The following RBFOX2 variants were observed in gnomAD, a reference collection of about 807,000 sequenced individuals.
RBFOX2 encodes the protein RNA binding protein fox-1 homolog 2.
Under a neutral mutation model 49.1 loss-of-function variants are expected in RBFOX2, and 10 were observed. The observed-to-expected ratio is 0.20, with a 90% CI of 0.13 to 0.35. RBFOX2 has a LOEUF of 0.35. Among genes scored for constraint, RBFOX2 ranks in the 10% least tolerant of loss-of-function variants. RBFOX2 has a pLI of 1.00. For missense variants in RBFOX2, 323 were observed against 486.9 expected, an observed-to-expected ratio of 0.66 and a Z score of 3.17; for synonymous variants, 183 against 187.4, an observed-to-expected ratio of 0.98 and a Z score of 0.19.
chr22:35,946,026 T>C (rs1233442767), intron 1 of RBFOX2, among the ~76,000 whole-genome samples: 1 of 152,144 alleles, frequency 6.6e-6, no homozygotes, highest in African/African-American at 2.4e-5. Context: ...AATCAGCTGG[T>C]ATAAGCAGTA....
At chr22:35,838,138 G>A (rs1368888020) in intron 1 of RBFOX2, among the ~76,000 whole-genome samples, 1 of 152,040 alleles carries the variant, frequency 6.6e-6, no homozygotes, top group Non-Finnish European at 1.5e-5. Context: ...AATATTGCCA[G>A]TTAATAAAAA....
chr22:35,939,605 CTAAT>C (rs958937797), upstream of RBFOX2, among the ~76,000 whole-genome samples: 3 of 151,936 alleles, frequency 2.0e-5, no homozygotes, highest in African/African-American at 7.3e-5. Flanking sequence ...ACTTATGATT[CTAAT>C]TAACCTTATT....
At chr22:35,829,630 C>T (rs900677902) in intron 1 of RBFOX2, among the ~76,000 whole-genome samples, 1 of 152,050 alleles carries the variant, frequency 6.6e-6, no homozygotes, top group Non-Finnish European at 1.5e-5. Context: ...CATAGAATGG[C>T]TGGTTAGGAT....
chr22:35,920,834 A>T (rs770589254), intron 1 of RBFOX2, among the ~76,000 whole-genome samples: 2 of 152,226 alleles, frequency 1.3e-5, no homozygotes, highest in Non-Finnish European at 2.9e-5. Context: ...ACACAATATG[A>T]TTGACATCTG....
In RBFOX2 at chr22:35,769,948, G is replaced by A. The variant is rs533684763; in HGVS notation, c.454-1599C>T. Among the ~76,000 whole-genome samples the A allele has an allele frequency of 1.1e-4, 17 of 152,232 alleles. 1 individual carries two copies. In the East Asian group the frequency reaches 2.7e-3, roughly 24 times the overall value. ...GAAAGCAAAATGCTAAGCTGATAGA[G>A]ATTTTAAAACGTATGTTGCTTGGAA... On this transcript the variant is annotated intron_variant, in intron 4 of 11. Coordinates refer to ENST00000405409, the Ensembl canonical transcript of RBFOX2.
At chr22:35,780,325 C>G (rs1302890116) in intron 3 of RBFOX2, among the ~76,000 whole-genome samples, 2 of 150,530 alleles carry the variant, frequency 1.3e-5, no homozygotes, top group African/African-American at 4.9e-5. Context: ...AATAAAGTAC[C>G]AGGCAGCTAT....
At chr22:35,872,774 T>C (rs553795825) in intron 1 of RBFOX2, among the ~76,000 whole-genome samples, 55 of 152,286 alleles carry the variant, frequency 3.6e-4, no homozygotes, top group African/African-American at 1.2e-3. Context: ...TCTGGCTGCC[T>C]GTATGTCTGC....
chr22:35,981,641 CAAAA>C (rs879304923), intron 1 of RBFOX2, among the ~76,000 whole-genome samples: 1 of 96,640 alleles, frequency 1.0e-5, no homozygotes. Flanking sequence ...GACTCCATTT[CAAAA>C]AAAAAAAAAA....
intron 1 of RBFOX2, among the ~76,000 whole-genome samples, chr22:35,890,352 C>G (rs960917804): frequency 1.3e-5 from 2 of 152,022 alleles, no homozygotes; most frequent in Non-Finnish European, 2.9e-5. Context: ...TTGGGTAGTA[C>G]TGAATTCTAT....
chr22:35,750,710 C>G (rs1377698200), intron 9 of RBFOX2, among the ~76,000 whole-genome samples: 3 of 152,230 alleles, frequency 2.0e-5, no homozygotes, highest in Admixed American at 6.5e-5. Context: ...ATTCAACCTG[C>G]CTGACACTGG....
upstream of RBFOX2, among the ~76,000 whole-genome samples, chr22:35,961,844 A>G (rs2056239657): frequency 6.6e-6 from 1 of 152,096 alleles, no homozygotes; most frequent in Non-Finnish European, 1.5e-5. Context: ...AACACAGAGA[A>G]ATGTCCTCCT....
chr22:35,744,754 A>G (rs1354162819), intron 11 of RBFOX2, among the ~76,000 whole-genome samples: 2 of 152,188 alleles, frequency 1.3e-5, no homozygotes, highest in Non-Finnish European at 2.9e-5. Flanking sequence ...GTCTTTAATA[A>G]AGTCTGTTTC....
At chr22:35,826,475 T>G (rs1338774898) in intron 1 of RBFOX2, among the ~76,000 whole-genome samples, 2 of 152,258 alleles carry the variant, frequency 1.3e-5, no homozygotes, top group East Asian at 3.9e-4. Context: ...GTTCTCCATG[T>G]TCTTTTTCAT....
At chr22:35,961,511 C>T (rs895552015) in intron 1 of RBFOX2, 2 of 1,301,866 alleles carry the variant, frequency 1.5e-6, no homozygotes, top group Non-Finnish European at 2.0e-6. Context: ...CCACAATTCC[C>T]CTGCACAAAC....
chr22:35,799,809 C>T (rs1259045237), intron 2 of RBFOX2, among the ~76,000 whole-genome samples: 1 of 151,808 alleles, frequency 6.6e-6, no homozygotes, highest in African/African-American at 2.4e-5. Flanking sequence ...AAAAATTAGC[C>T]GGGTGTGGGG....
chr22:35,746,528 C>T (rs1602029690), exon 10 of RBFOX2: 1 of 1,610,040 alleles, frequency 6.2e-7, no homozygotes, highest in Non-Finnish European at 8.5e-7. Context: ...GTTGCAGTAG[C>T]AGGCTGTGCA....
At chr22:35,770,834 CATTCTGGAACAAA>C in intron 4 of RBFOX2, among the ~76,000 whole-genome samples, 1 of 152,132 alleles carries the variant, frequency 6.6e-6, no homozygotes, top group South Asian at 2.1e-4. Flanking sequence ...TAATGACTAA[CATTCTGGAACAAA>C]ATTTCACTTT....
At chr22:35,816,074 A>T (rs1007145182) in intron 1 of RBFOX2, among the ~76,000 whole-genome samples, 10 of 152,228 alleles carry the variant, frequency 6.6e-5, no homozygotes, top group Middle Eastern at 3.4e-3. Flanking sequence ...CCGTTTTTTT[A>T]AAAAAATTAA....
chr22:35,809,681 C>T, intron 2 of RBFOX2, 99 bp downstream of exon 3: 1 of 1,316,804 alleles, frequency 7.6e-7, no homozygotes. Context: ...GGTGTAAATG[C>T]TAAATTAATT....
Sources: allele counts gnomAD v4.1 joint callset (sites outside exome capture counted in the v4.1 genomes callset), GRCh38; gene constraint gnomAD v4.1.1; transcripts MANE v1.5; gene names NCBI Gene and HGNC (gene_info 2026-07-23, HGNC 2026-07-21).